The following SV2C variants were observed in gnomAD, a reference collection of about 807,000 sequenced individuals.
The protein encoded by SV2C is solute carrier family 22 member B3.
SV2C carries 49 observed loss-of-function variants against 79.7 expected under a neutral mutation model. That is an observed-to-expected ratio of 0.61 (90% CI 0.49 to 0.78). The LOEUF is 0.78. Among genes scored for constraint, SV2C ranks in the 30% least tolerant of loss-of-function variants. SV2C has a pLI of 0.00. For missense variants in SV2C, 833 were observed against 912.9 expected (o/e 0.91, Z 1.13); for synonymous variants, 334 against 333.2 (o/e 1.00, Z -0.03).
At chr5:76,030,269 T>TTG in the SV2C span, among the ~76,000 whole-genome samples, 1 of 97,936 alleles carries the variant, frequency 1.0e-5, no homozygotes, top group Non-Finnish European at 2.0e-5. Context: ...GAGGCTTGTT[T>TTG]TTTTTTTTTT....
chr5:76,079,723 C>T (rs1746951876), upstream of SV2C: 1 of 277,548 alleles, frequency 3.6e-6, no homozygotes, highest in Non-Finnish European at 7.4e-6. Context: ...CTTCAAACTT[C>T]GAATTGTGGG....
intron 12 of SV2C, among the ~76,000 whole-genome samples, chr5:76,342,410 T>C (rs554754346): frequency 1.3e-5 from 2 of 152,322 alleles, no homozygotes; most frequent in East Asian, 3.9e-4. Flanking sequence ...AAAGAGCAAC[T>C]GTTCACAGCA....
chr5:75,904,530 C>A, the SV2C span, among the ~76,000 whole-genome samples: 1,598 of 152,210 alleles, frequency 0.01, 38 homozygotes, highest in African/African-American at 0.037. Flanking sequence ...TGGGCTGCCC[C>A]TGTCCAGAGC....
chr5:76,342,578 C>T (rs907658078), intron 12 of SV2C, among the ~76,000 whole-genome samples: 4 of 152,188 alleles, frequency 2.6e-5, no homozygotes, highest in Admixed American at 2.6e-4. Flanking sequence ...AGGGCACACT[C>T]TGGAGCTGGT....
chr5:76,188,021 G>T (rs1028417137), intron 2 of SV2C, among the ~76,000 whole-genome samples: 8 of 152,174 alleles, frequency 5.3e-5, no homozygotes, highest in African/African-American at 1.9e-4. Flanking sequence ...CACTTTGGGA[G>T]CTAAGGGCAG....
chr5:75,982,627 G>A, the SV2C span, among the ~76,000 whole-genome samples: 2 of 152,104 alleles, frequency 1.3e-5, no homozygotes, highest in Non-Finnish European at 2.9e-5. Context: ...ATACCCAAAG[G>A]AATATAAATC....
chr5:76,049,602 A>C, the SV2C span, among the ~76,000 whole-genome samples: 5 of 152,346 alleles, frequency 3.3e-5, no homozygotes, highest in East Asian at 7.7e-4. Flanking sequence ...CTAAGGTGCT[A>C]GAATTCTATT....
In SV2C at chr5:76,291,778, CT is replaced by C. The variant is rs768404770; in HGVS notation, c.1263del (p.Phe421LeufsTer2). ...TCTAATATTTCACAGATTTGGTTGA[CT>C]TTTATGAGATGTTTCAACTACCCAG... ...IRTELYGIWL[T>X]FMRCFNYPVR... On this transcript the variant is annotated frameshift_variant, in exon 8 of 13. Transcript: ENST00000502798. LOFTEE classifies it high-confidence loss of function. The C allele has an allele frequency of 6.2e-7, 1 of 1,608,582 alleles. No homozygotes were observed. The highest frequency in any genetic ancestry group is 2.2e-5 in the East Asian group (1 of 44,844).
the SV2C span, among the ~76,000 whole-genome samples, chr5:76,039,289 C>T: frequency 6.6e-6 from 1 of 152,206 alleles, no homozygotes; most frequent in Non-Finnish European, 1.5e-5. Flanking sequence ...CTCATATCTC[C>T]TTCATGGGGA....
the SV2C span, among the ~76,000 whole-genome samples, chr5:75,948,743 C>T: frequency 6.6e-6 from 1 of 151,926 alleles, no homozygotes; most frequent in East Asian, 1.9e-4. Flanking sequence ...GTGGTATGTT[C>T]CAGGAATAGC....
chr5:75,858,740 T>C, the SV2C span, among the ~76,000 whole-genome samples: 22 of 152,214 alleles, frequency 1.4e-4, no homozygotes, highest in Admixed American at 1.4e-3. Flanking sequence ...CCAACTTTTC[T>C]TTGTGGGGAG....
the SV2C span, among the ~76,000 whole-genome samples, chr5:75,930,308 T>A: frequency 6.6e-6 from 1 of 152,222 alleles, no homozygotes; most frequent in African/African-American, 2.4e-5. Context: ...TCATGCTTCC[T>A]CATATTATTC....
chr5:76,303,657 C>T (rs2112529789), intron 12 of SV2C, among the ~76,000 whole-genome samples: 1 of 152,194 alleles, frequency 6.6e-6, no homozygotes, highest in Non-Finnish European at 1.5e-5. Flanking sequence ...AAAAGACCCT[C>T]ATAAATTGAA....
chr5:76,320,518 G>T (rs997986528), intron 12 of SV2C, among the ~76,000 whole-genome samples: 2 of 152,180 alleles, frequency 1.3e-5, no homozygotes, highest in Non-Finnish European at 2.9e-5. Flanking sequence ...GAAACTGAGG[G>T]TATAAGAGAA....
intron 2 of SV2C, among the ~76,000 whole-genome samples, chr5:76,137,452 G>C (rs1193141732): frequency 6.6e-6 from 1 of 152,144 alleles, no homozygotes; most frequent in Admixed American, 6.5e-5. Context: ...AGATGGGGAG[G>C]CTGATGAAGT....
Position 76,329,503 on chromosome 5 carries a change from T to A in SV2C, c.*3956T>A, listed in dbSNP as rs1749110350. 6.6e-6 allele frequency: 1 copy of A among 151,448 alleles called. No homozygotes were observed. The highest frequency in any genetic ancestry group is 2.5e-5 in the African/African-American group (1 of 40,796). The allele number at this position is 151,448 out of a possible 1,614,324, so 9.4% of individuals were successfully genotyped here. A position where few individuals can be genotyped will look rare whatever the true frequency, so the allele number is the denominator to read the frequency against. ...GTTTTCACCAAAAACTGCTTAGTTG[T>A]CTTTCAAGATACCTTAAGAGATCAA... On this transcript the variant is annotated 3_prime_UTR_variant, in exon 13 of 13. Transcript: ENST00000502798.
At chr5:76,070,029 G>A in the SV2C span, among the ~76,000 whole-genome samples, 4 of 151,998 alleles carry the variant, frequency 2.6e-5, no homozygotes, top group Non-Finnish European at 5.9e-5. Flanking sequence ...CTTATTCCTG[G>A]AAACTGTCTC....
chr5:76,132,514 CCCA>C (rs1398770145), intron 2 of SV2C, among the ~76,000 whole-genome samples, 184 bp downstream of exon 2: 4 of 152,060 alleles, frequency 2.6e-5, no homozygotes, highest in African/African-American at 9.7e-5. Flanking sequence ...CCTGTGTATA[CCCA>C]CCACCTAGAT....
the SV2C span, among the ~76,000 whole-genome samples, chr5:76,016,166 A>G: frequency 1.9e-3 from 286 of 150,276 alleles, 1 homozygote; most frequent in South Asian, 4.0e-3. Context: ...TGCTTTTGGA[A>G]GCACAAGGTT....
Sources: gnomAD v4.1 joint callset for allele counts (sites outside exome capture counted in the v4.1 genomes callset) on GRCh38, gnomAD v4.1.1 for gene constraint, MANE v1.5 for transcripts, NCBI Gene and HGNC (gene_info 2026-07-23, HGNC 2026-07-21) for gene names.